PTPRR: variants seen among roughly 807,000 people sequenced by gnomAD.
The protein encoded by PTPRR is receptor-type tyrosine-protein phosphatase R.
In PTPRR, 38 loss-of-function variants were observed where a neutral mutation model predicts 77.2. The ratio of observed to expected loss-of-function variants is 0.49; its 90% CI spans 0.38 to 0.65. The LOEUF is 0.65. Ranked by LOEUF, PTPRR falls within the 30% of genes least tolerant of loss-of-function variation. The pLI, the probability that PTPRR is intolerant of heterozygous loss-of-function variation, is 0.00. For synonymous variants in PTPRR, 299 were observed against 283.1 expected (o/e 1.06, Z -0.57); for missense variants, 744 against 799.2 (o/e 0.93, Z 0.83).
chr12:70,793,723 G>A (rs1419866748), intron 2 of PTPRR, among the ~76,000 whole-genome samples: 2 of 152,134 alleles, frequency 1.3e-5, no homozygotes, highest in Non-Finnish European at 2.9e-5. Context: ...AAATCATTAG[G>A]CATCCAACTT....
rs1046274873 is a variant in PTPRR, at chr12:70,684,589, A to G, written c.1359+115T>C. ...CTAAGATAAAAAACCAAACAAAATGAAATCTTGCTGGTAATCAAGTTAAAC... is the reference window on the plus strand; with the variant it reads ...CTAAGATAAAAAACCAAACAAAATGGAATCTTGCTGGTAATCAAGTTAAAC... On this transcript the variant is annotated intron_variant, in intron 9 of 13. Coordinates refer to ENST00000283228, the MANE Select transcript of PTPRR (RefSeq NM_002849.4). 5.3e-6 allele frequency: 4 copies of G among 760,690 alleles called. No individual in the cohort carries two copies. In the African/African-American group the frequency reaches 7.0e-5, roughly 13 times the overall value. The allele number at this position is 760,690 out of a possible 1,614,324, so 47.1% of individuals were successfully genotyped here. A position where few individuals can be genotyped will look rare whatever the true frequency, so the allele number is the denominator to read the frequency against.
chr12:70,856,216 A>G (rs12229663), intron 2 of PTPRR, among the ~76,000 whole-genome samples: 34,250 of 152,094 alleles, frequency 0.23, 4,120 homozygotes, highest in East Asian at 0.41. Flanking sequence ...AAAAGATATA[A>G]CCCCTGCATC....
chr12:70,650,264 GA>G, intron 13 of PTPRR, among the ~76,000 whole-genome samples: 1 of 151,950 alleles, frequency 6.6e-6, no homozygotes, highest in Admixed American at 6.6e-5. Flanking sequence ...CCAACATGGT[GA>G]AATCCTGCCT....
chr12:70,918,497 C>A (rs973210615), intron 1 of PTPRR, among the ~76,000 whole-genome samples: 1 of 152,010 alleles, frequency 6.6e-6, no homozygotes, highest in Non-Finnish European at 1.5e-5. Flanking sequence ...TGGTAATATA[C>A]CCTTTGGCAG....
At chr12:70,904,961 C>G (rs1893598966) in intron 1 of PTPRR, among the ~76,000 whole-genome samples, 1 of 151,644 alleles carries the variant, frequency 6.6e-6, no homozygotes, top group Admixed American at 6.6e-5. Context: ...TTTTTGGTTT[C>G]TTTTTAAGAA....
intron 1 of PTPRR, among the ~76,000 whole-genome samples, chr12:70,900,031 G>T (rs183141961): frequency 6.6e-6 from 1 of 151,266 alleles, no homozygotes; most frequent in Non-Finnish European, 1.5e-5. Flanking sequence ...AATCAGAGAC[G>T]ACCTAAATAA....
At chr12:70,651,102 C>T (rs1886377618) in intron 13 of PTPRR, among the ~76,000 whole-genome samples, 1 of 152,200 alleles carries the variant, frequency 6.6e-6, no homozygotes, top group South Asian at 2.1e-4. Context: ...CTTAGTGCCG[C>T]TTGCTTTCCC....
At position 70,920,398 on chromosome 12, in the gene PTPRR, G is replaced by C; in HGVS notation, c.-8C>G. ...GCAGACTGCTCTCCGCATAGTGTTT[G>C]CATTGAGAGGTGGAGGAGAAACTCC... On this transcript the variant is annotated 5_prime_UTR_variant, in exon 1 of 14. Coordinates refer to ENST00000283228, the MANE Select transcript of PTPRR (RefSeq NM_002849.4). 6.2e-7 allele frequency: 1 copy of C among 1,612,556 alleles called. No homozygotes were observed. The highest frequency in any genetic ancestry group is 8.5e-7 in the Non-Finnish European group (1 of 1,179,390).
intron 12 of PTPRR, 66 bp downstream of exon 12, chr12:70,660,874 C>T: frequency 2.0e-6 from 3 of 1,472,510 alleles, no homozygotes; most frequent in Non-Finnish European, 2.7e-6. Context: ...AACCCACTTG[C>T]ACCTGCTCTG....
At chr12:70,755,047 CTATT>C (rs1290341047) in intron 4 of PTPRR, among the ~76,000 whole-genome samples, 2 of 152,002 alleles carry the variant, frequency 1.3e-5, no homozygotes, top group African/African-American at 4.8e-5. Flanking sequence ...GTGCATGACT[CTATT>C]AATTTTATTT....
intron 2 of PTPRR, among the ~76,000 whole-genome samples, chr12:70,783,863 CGGGGG>C (rs575602200): frequency 6.5e-4 from 37 of 56,640 alleles, no homozygotes; most frequent in African/African-American, 3.9e-3. Flanking sequence ...GTGGGGGGGA[CGGGGG>C]GGGGGGGCGG....
intron 2 of PTPRR, among the ~76,000 whole-genome samples, chr12:70,784,452 G>A (rs1191223721): frequency 6.6e-6 from 1 of 152,190 alleles, no homozygotes; most frequent in Non-Finnish European, 1.5e-5. Context: ...TCTCTCCGGA[G>A]CTCCCCCTGT....
chr12:70,695,442 G>A (rs1240456648), intron 8 of PTPRR, among the ~76,000 whole-genome samples: 3 of 152,036 alleles, frequency 2.0e-5, no homozygotes, highest in Non-Finnish European at 4.4e-5. Context: ...GTGGTGGGTG[G>A]GGCATTCAGC....
chr12:70,733,465 T>TAAAAAAAAAAAAAA (rs1889748544), intron 6 of PTPRR, among the ~76,000 whole-genome samples: 1 of 73,480 alleles, frequency 1.4e-5, no homozygotes, highest in African/African-American at 7.9e-5. Flanking sequence ...AAAGAAAAAT[T>TAAAAAAAAAAAAAA]ATGGCAAAAA....
intron 2 of PTPRR, among the ~76,000 whole-genome samples, chr12:70,794,645 G>T (rs1891479351): frequency 6.6e-6 from 1 of 152,194 alleles, no homozygotes. Flanking sequence ...GGTATTTAGT[G>T]CAGAGCTTCA....
chr12:70,834,150 G>A (rs1892262788), intron 2 of PTPRR, among the ~76,000 whole-genome samples: 1 of 152,114 alleles, frequency 6.6e-6, no homozygotes, highest in Non-Finnish European at 1.5e-5. Flanking sequence ...TTTAGAATAT[G>A]GCAACCATAC....
chr12:70,816,253 C>T (rs1456825092), intron 2 of PTPRR, among the ~76,000 whole-genome samples: 2 of 151,946 alleles, frequency 1.3e-5, no homozygotes, highest in African/African-American at 4.8e-5. Context: ...GAGTACACCC[C>T]AGGAAAATGA....
At position 70,698,300 on chromosome 12, in the gene PTPRR, T is replaced by A; in HGVS notation, c.1244A>T (p.His415Leu). Residue 415 changes from histidine to leucine, a missense_variant, in exon 8 of 14, where the codon CAT becomes CTT. Around this residue, in one of 3 missense-constraint regions of PTPRR, gnomAD observed 570 missense variants for 573.2 expected, o/e 0.99. Coordinates refer to ENST00000283228, the MANE Select transcript of PTPRR (RefSeq NM_002849.4). Reference sequence around the variant, plus strand: ...GGTCTTATAGCGATTTTTAGTTCCATGACGCGGAATATCAATTTCTTTGGG... The same window carrying A: ...GGTCTTATAGCGATTTTTAGTTCCAAGACGCGGAATATCAATTTCTTTGGG... ...VDPKEIDIPR[H>L]GTKNRYKTIL... 6.2e-7 allele frequency: 1 copy of A among 1,613,214 alleles called. No homozygotes were observed. The highest frequency in any genetic ancestry group is 1.1e-5 in the South Asian group (1 of 91,046).
Position 70,668,596 on chromosome 12 carries a change from A to T in PTPRR, c.1498-5991T>A, listed in dbSNP as rs553095933. On this transcript the variant is annotated intron_variant, in intron 10 of 13. Coordinates refer to ENST00000283228, the MANE Select transcript of PTPRR (RefSeq NM_002849.4). ...TTTAGAATTTAACATGGCACACTTAACATTTTCTTATTAGTATCTTACCAG... is the reference window on the plus strand; with the variant it reads ...TTTAGAATTTAACATGGCACACTTATCATTTTCTTATTAGTATCTTACCAG... Among the ~76,000 whole-genome samples the T allele has an allele frequency of 4.6e-5, 7 of 152,286 alleles. No homozygotes were observed. The South Asian group carries it at 1.4e-3, about 32-fold the overall frequency.
Sources: allele counts gnomAD v4.1 joint callset (sites outside exome capture counted in the v4.1 genomes callset), GRCh38; gene constraint gnomAD v4.1.1; regional missense constraint gnomAD v4.1.1; transcripts MANE v1.5; gene names NCBI Gene and HGNC (gene_info 2026-07-23, HGNC 2026-07-21).